CMIP: variants seen among roughly 807,000 people sequenced by gnomAD.
The protein encoded by CMIP is C-Maf-inducing protein.
In CMIP, 13 loss-of-function variants were observed where a neutral mutation model predicts 97.3. The observed-to-expected ratio is 0.13, with a 90% CI of 0.09 to 0.21. The LOEUF (loss-of-function observed/expected upper bound fraction) is 0.21. Among genes scored for constraint, CMIP ranks in the 10% least tolerant of loss-of-function variants. The pLI is 1.00. For synonymous variants in CMIP, 538 were observed against 436.3 expected, an observed-to-expected ratio of 1.23 and a Z score of -2.91; for missense variants, 847 against 1,024.9, an observed-to-expected ratio of 0.83 and a Z score of 2.37.
intron 1 of CMIP, among the ~76,000 whole-genome samples, chr16:81,526,913 A>C (rs999206910): frequency 1.3e-5 from 2 of 152,268 alleles, no homozygotes; most frequent in African/African-American, 4.8e-5. Flanking sequence ...TATAATGAGC[A>C]GGAATCTTCT....
intron 11 of CMIP, among the ~76,000 whole-genome samples, chr16:81,692,283 C>CT (rs1567666398): frequency 2.0e-5 from 3 of 152,372 alleles, no homozygotes; most frequent in Middle Eastern, 3.4e-3. Flanking sequence ...TGGAAGCGCT[C>CT]TAATTACGCC....
intron 3 of CMIP, chr16:81,631,349 C>T (rs1597169443): frequency 6.6e-6 from 1 of 152,264 alleles, no homozygotes; most frequent in Non-Finnish European, 1.5e-5. Context: ...GCCTTTTGGC[C>T]TCTTCCGTTG....
intron 1 of CMIP, among the ~76,000 whole-genome samples, chr16:81,524,514 C>T (rs1006233903): frequency 2.0e-5 from 3 of 152,360 alleles, no homozygotes; most frequent in South Asian, 4.1e-4. Flanking sequence ...CTTGGTGAGA[C>T]AGTGTCTGCA....
intron 1 of CMIP, among the ~76,000 whole-genome samples, chr16:81,489,278 A>C (rs1267161889): frequency 1.3e-5 from 2 of 152,064 alleles, no homozygotes; most frequent in Non-Finnish European, 2.9e-5. Flanking sequence ...GGTGACTTCT[A>C]TGTGCACAGG....
At chr16:81,681,737 T>C (rs1904895558) in intron 10 of CMIP, among the ~76,000 whole-genome samples, 1 of 152,212 alleles carries the variant, frequency 6.6e-6, no homozygotes, top group African/African-American at 2.4e-5. Context: ...CCTCCTAGCA[T>C]TGAGGAAATG....
chr16:81,683,975 G>C (rs1170271202), intron 10 of CMIP, among the ~76,000 whole-genome samples: 1 of 151,516 alleles, frequency 6.6e-6, no homozygotes, highest in African/African-American at 2.4e-5. Flanking sequence ...TGACCAGGCT[G>C]GTCTCGAACT....
At chr16:81,531,331 T>C (rs1002553621) in intron 1 of CMIP, among the ~76,000 whole-genome samples, 1 of 152,194 alleles carries the variant, frequency 6.6e-6, no homozygotes, top group Non-Finnish European at 1.5e-5. Context: ...AGATCCTGCC[T>C]CAGAGCCTCC....
chr16:81,672,187 G>C, intron 9 of CMIP, 117 bp downstream of exon 9: 1 of 618,150 alleles, frequency 1.6e-6, no homozygotes, highest in Admixed American at 2.5e-5. Flanking sequence ...CTGTTTACTG[G>C]GCAGACCTCA....
intron 1 of CMIP, among the ~76,000 whole-genome samples, chr16:81,479,735 T>C (rs926803223): frequency 3.3e-5 from 5 of 152,170 alleles, no homozygotes; most frequent in Non-Finnish European, 5.9e-5. Context: ...TCTGTCTAGT[T>C]CCAAAACATC....
intron 1 of CMIP, among the ~76,000 whole-genome samples, chr16:81,594,873 G>A (rs1463499458): frequency 4.9e-5 from 7 of 142,032 alleles, no homozygotes; most frequent in African/African-American, 1.1e-4. Flanking sequence ...CTCATGATCC[G>A]CCCGCCTCGG....
In CMIP at chr16:81,692,508, T is replaced by C. The variant is rs1029218420; in HGVS notation, c.1455-650T>C. On this transcript the variant is annotated intron_variant, in intron 11 of 20. Coordinates refer to ENST00000537098, the MANE Select transcript of CMIP (RefSeq NM_198390.3). ...TTCAAGAGGTTGGAAGGAGCAAGCCTCGGGAGGCAGCTGGGGCTCTCGAAG... is the reference window on the plus strand; with the variant it reads ...TTCAAGAGGTTGGAAGGAGCAAGCCCCGGGAGGCAGCTGGGGCTCTCGAAG... Among the ~76,000 whole-genome samples the C allele has an allele frequency of 5.9e-5, 9 of 152,278 alleles. No individual in the cohort carries two copies. The East Asian group carries it at 1.7e-3, about 29-fold the overall frequency.
chr16:81,551,272 C>T (rs2090653267), intron 1 of CMIP, among the ~76,000 whole-genome samples: 1 of 152,232 alleles, frequency 6.6e-6, no homozygotes, highest in Non-Finnish European at 1.5e-5. Context: ...CACACACACC[C>T]AGAGGGTTCT....
At chr16:81,480,665 G>C (rs1908205334) in intron 1 of CMIP, among the ~76,000 whole-genome samples, 1 of 152,154 alleles carries the variant, frequency 6.6e-6, no homozygotes, top group African/African-American at 2.4e-5. Context: ...TTTGCTATGG[G>C]GTAAAATAAT....
intron 1 of CMIP, among the ~76,000 whole-genome samples, chr16:81,479,603 G>A (rs1176371910): frequency 6.6e-6 from 1 of 152,076 alleles, no homozygotes; most frequent in African/African-American, 2.4e-5. Context: ...TATAGGATTT[G>A]TCTTTTTCGT....
At chr16:81,476,755 A>C (rs765926569) in intron 1 of CMIP, among the ~76,000 whole-genome samples, 1 of 152,222 alleles carries the variant, frequency 6.6e-6, no homozygotes, top group Non-Finnish European at 1.5e-5. Flanking sequence ...GCTGTAAACA[A>C]TGCCACAGTG....
chr16:81,583,112 G>A (rs1018127558), intron 1 of CMIP, among the ~76,000 whole-genome samples: 2 of 152,254 alleles, frequency 1.3e-5, no homozygotes. Context: ...AGCTCTGGCT[G>A]GCATTGCCTC....
At chr16:81,625,009 C>G (rs2092042072) in intron 3 of CMIP, among the ~76,000 whole-genome samples, 1 of 152,228 alleles carries the variant, frequency 6.6e-6, no homozygotes, top group Non-Finnish European at 1.5e-5. Context: ...AGGTTCTGTT[C>G]TTATCAACAT....
intron 3 of CMIP, among the ~76,000 whole-genome samples, chr16:81,641,226 A>T (rs943157738): frequency 6.6e-6 from 1 of 152,016 alleles, no homozygotes; most frequent in Non-Finnish European, 1.5e-5. Context: ...GCCTGGCCTA[A>T]AGCAGCACCT....
At chr16:81,696,728 T>C in intron 14 of CMIP, 61 bp downstream of exon 14, 1 of 1,486,468 alleles carries the variant, frequency 6.7e-7, no homozygotes, top group Non-Finnish European at 9.1e-7. Context: ...CATGCCTGAC[T>C]AGTAAAACAG....
Sources: allele counts gnomAD v4.1 joint callset (sites outside exome capture counted in the v4.1 genomes callset), GRCh38; gene constraint gnomAD v4.1.1; transcripts MANE v1.5; gene names NCBI Gene and HGNC (gene_info 2026-07-23, HGNC 2026-07-21).